The following SBF2 variants were observed in gnomAD, a reference collection of about 807,000 sequenced individuals.
The protein encoded by SBF2 is myotubularin-related protein 13.
Under a neutral mutation model 225.2 loss-of-function variants are expected in SBF2, and 112 were observed. The observed-to-expected ratio is 0.50, with a 90% CI of 0.43 to 0.58. SBF2 has a LOEUF of 0.58. Ranked by LOEUF, SBF2 falls within the 20% of genes least tolerant of loss-of-function variation. SBF2 has a pLI of 0.00. For missense variants in SBF2, 1,996 were observed against 2,206.2 expected, an observed-to-expected ratio of 0.90 and a Z score of 1.91; for synonymous variants, 763 against 773.3, an observed-to-expected ratio of 0.99 and a Z score of 0.22.
At chr11:9,970,499 C>T (rs1048090008) in intron 13 of SBF2, among the ~76,000 whole-genome samples, 4 of 152,178 alleles carry the variant, frequency 2.6e-5, no homozygotes, top group African/African-American at 9.7e-5. Context: ...GGCCAACTGC[C>T]ATCACTTCTT....
At chr11:10,188,648 G>A (rs1224047605) in intron 2 of SBF2, among the ~76,000 whole-genome samples, 1 of 152,198 alleles carries the variant, frequency 6.6e-6, no homozygotes, top group African/African-American at 2.4e-5. Context: ...GTATGGAGGA[G>A]TGTATTAGAA....
chr11:10,073,872 A>G (rs1950990726), intron 2 of SBF2, among the ~76,000 whole-genome samples: 1 of 152,178 alleles, frequency 6.6e-6, no homozygotes, highest in Non-Finnish European at 1.5e-5. Context: ...AAATATAAAG[A>G]CTGCAGATGG....
intron 2 of SBF2, among the ~76,000 whole-genome samples, chr11:10,143,317 G>A (rs377303986): frequency 1.3e-5 from 2 of 152,088 alleles, no homozygotes; most frequent in Admixed American, 1.3e-4. Context: ...GACTACAGGT[G>A]TGCGCCCACT....
intron 6 of SBF2, among the ~76,000 whole-genome samples, chr11:10,006,822 C>T (rs1948215531): frequency 6.6e-6 from 1 of 152,152 alleles, no homozygotes; most frequent in Admixed American, 6.5e-5. Flanking sequence ...AGTTCAGCCC[C>T]CTTGCAGCAG....
chr11:10,293,833 GC>G (rs991674343), intron 1 of SBF2, among the ~76,000 whole-genome samples, 181 bp downstream of exon 1: 3 of 151,750 alleles, frequency 2.0e-5, no homozygotes, highest in African/African-American at 4.8e-5. Context: ...CGTCGTGCCG[GC>G]CCCCCCACGC....
At chr11:10,293,745 G>C (rs1000026965) in intron 1 of SBF2, among the ~76,000 whole-genome samples, 60 of 152,306 alleles carry the variant, frequency 3.9e-4, no homozygotes, top group African/African-American at 1.4e-3. Context: ...GGAGGGTCGC[G>C]AGACCCCAAC....
rs1862427574 is a variant in SBF2 at position 9,909,652 on chromosome 11, A to G, written c.1861-13641T>C. Among the ~76,000 whole-genome samples the G allele has an allele frequency of 1.4e-5, 2 of 140,240 alleles. 1 individual carries two copies. The highest frequency in any genetic ancestry group is 3.1e-5 in the Non-Finnish European group (2 of 65,278). The allele number at this position is 140,240 out of a possible 152,430, so 92.0% of individuals were successfully genotyped here. On this transcript the variant is annotated intron_variant, in intron 16 of 39. Coordinates refer to ENST00000256190, the MANE Select transcript of SBF2 (RefSeq NM_030962.4). Reference sequence around the variant, plus strand: ...GCCACTGCACTCCAGCCTGGGTGACAGAGCGAGACTCTGTCTCAAAAAAAA... The same window carrying G: ...GCCACTGCACTCCAGCCTGGGTGACGGAGCGAGACTCTGTCTCAAAAAAAA...
chr11:10,006,986 CAAGAG>C (rs1162526114), intron 6 of SBF2, among the ~76,000 whole-genome samples: 1 of 152,148 alleles, frequency 6.6e-6, no homozygotes. Context: ...GCCGTCGGCA[CAAGAG>C]ACCCATACGA....
intron 28 of SBF2, among the ~76,000 whole-genome samples, chr11:9,821,610 T>C (rs1304880881): frequency 6.6e-6 from 1 of 152,190 alleles, no homozygotes; most frequent in Non-Finnish European, 1.5e-5. Context: ...CAGCAAAACG[T>C]CTCAAGCTGT....
intron 35 of SBF2, 31 bp from the exon 36 acceptor site, chr11:9,787,769 T>G: frequency 3.2e-6 from 5 of 1,576,076 alleles, no homozygotes; most frequent in Non-Finnish European, 4.4e-6. Context: ...TTCTGATCAG[T>G]ATTTCATAGA....
chr11:9,942,794 G>A (rs1865331192), intron 16 of SBF2, among the ~76,000 whole-genome samples: 5 of 151,462 alleles, frequency 3.3e-5, no homozygotes. Flanking sequence ...TCACATCACT[G>A]CACTGAAGCC....
intron 1 of SBF2, among the ~76,000 whole-genome samples, chr11:10,247,252 A>G (rs1959893385): frequency 6.6e-6 from 1 of 152,210 alleles, no homozygotes; most frequent in African/African-American, 2.4e-5. Flanking sequence ...CAAAACTCCT[A>G]AAAACATTAG....
intron 1 of SBF2, among the ~76,000 whole-genome samples, chr11:10,221,584 T>C (rs1021701235): frequency 6.6e-6 from 1 of 152,116 alleles, no homozygotes; most frequent in Non-Finnish European, 1.5e-5. Context: ...ACACAAAAAG[T>C]AACAAGAGAG....
Position 9,812,636 on chromosome 11 carries a change from C to T in SBF2, c.4051G>A (p.Ala1351Thr), listed in dbSNP as rs527347035. 1.9e-6 allele frequency: 3 copies of T among 1,614,190 alleles called. No homozygotes were observed. The highest frequency in any genetic ancestry group is 1.1e-5 in the South Asian group (1 of 91,082). ...VEFHEIRQVK[A>T]SFKKLMRACI... ...GCCCTCATCAGCTTCTTAAAACTGG[C>T]TTTCACTTGCCGGATTTCATGAAAT... The change falls in exon 30 of 40, where the codon GCC becomes ACC. Residue 1351 changes from alanine (A) to threonine (T), a missense_variant. Physicochemically the swap from Ala to Thr is moderately conservative, Grantham distance 58. Transcript: ENST00000256190.
intron 2 of SBF2, among the ~76,000 whole-genome samples, chr11:10,097,520 A>T (rs1374019270): frequency 6.6e-6 from 1 of 152,086 alleles, no homozygotes; most frequent in Non-Finnish European, 1.5e-5. Context: ...ATTCCAAAAC[A>T]CATTCTTTAA....
intron 1 of SBF2, among the ~76,000 whole-genome samples, chr11:10,205,095 G>A (rs1957707506): frequency 6.6e-6 from 1 of 151,826 alleles, no homozygotes; most frequent in African/African-American, 2.4e-5. Context: ...GATGATAGGT[G>A]CAGCAAACCA....
At chr11:10,140,538 A>ATG (rs954899829) in intron 2 of SBF2, among the ~76,000 whole-genome samples, 1 of 152,138 alleles carries the variant, frequency 6.6e-6, no homozygotes, top group Non-Finnish European at 1.5e-5. Flanking sequence ...TAAGTGTCCT[A>ATG]TGTGTGTCTT....
intron 28 of SBF2, among the ~76,000 whole-genome samples, chr11:9,817,975 C>T (rs61876893): frequency 0.22 from 33,532 of 152,004 alleles, 4,147 homozygotes; most frequent in Non-Finnish European, 0.28. Flanking sequence ...GACAGAGTTT[C>T]GCTCTTGTTG....
Position 9,829,552 on chromosome 11 carries a change from G to GTATC in SBF2, c.3653-60_3653-57dup, listed in dbSNP as rs143416649. On this transcript the variant is annotated intron_variant, in intron 27 of 39. Coordinates refer to ENST00000256190, the MANE Select transcript of SBF2 (RefSeq NM_030962.4). ...AACTGTCTCTGTGTTAACAAAACAA[G>GTATC]TATCTATCTATCTATCTATCTACCT... 1.4e-3 allele frequency: 2,006 copies of GTATC among 1,406,754 alleles called. 11 individuals are homozygous for GTATC. Among genetic ancestry groups the GTATC allele is most frequent in the African/African-American group, 0.014 (996 of 70,484 alleles). 87.1% of individuals were successfully genotyped at this position (1,406,754 alleles called of 1,614,324 possible). A position where few individuals can be genotyped will look rare whatever the true frequency, so the allele number is the denominator to read the frequency against.
Sources: gnomAD v4.1 joint callset for allele counts (sites outside exome capture counted in the v4.1 genomes callset) on GRCh38, gnomAD v4.1.1 for gene constraint, MANE v1.5 for transcripts, NCBI Gene and HGNC (gene_info 2026-07-23, HGNC 2026-07-21) for gene names.